Variants in TBC1D32 observed in about 807,000 individuals in gnomAD.
TBC1D32 encodes the protein protein broad-minded.
A neutral mutation model predicts 170.3 loss-of-function variants in TBC1D32; 151 were observed. The observed-to-expected ratio is 0.89, with a 90% CI of 0.78 to 1.01. The LOEUF is 1.01. TBC1D32 is among the 50% of genes least tolerant of loss of function. TBC1D32 has a pLI of 0.00. For missense variants in TBC1D32, 1,464 were observed against 1,457.1 expected (o/e 1.00, Z -0.08); for synonymous variants, 498 against 488.0 (o/e 1.02, Z -0.27).
At chr6:121,237,313 T>C (rs1796448504) in intron 20 of TBC1D32, among the ~76,000 whole-genome samples, 1 of 152,012 alleles carries the variant, frequency 6.6e-6, no homozygotes, top group African/African-American at 2.4e-5. Context: ...TTCAAAATTT[T>C]CTCTTTATCT....
intron 30 of TBC1D32, among the ~76,000 whole-genome samples, chr6:121,102,782 T>A (rs1272567605): frequency 1.3e-5 from 2 of 152,172 alleles, no homozygotes; most frequent in South Asian, 4.1e-4. Context: ...CAAAAGAAAC[T>A]ACCATCAGAG....
At chr6:121,258,553 T>C (rs745802843) in intron 15 of TBC1D32, among the ~76,000 whole-genome samples, 2 of 152,184 alleles carry the variant, frequency 1.3e-5, no homozygotes, top group Non-Finnish European at 2.9e-5. Context: ...CCATATCTGT[T>C]TCTCCACATT....
chr6:121,298,318 G>A (rs1462036215), intron 10 of TBC1D32, among the ~76,000 whole-genome samples: 1 of 151,880 alleles, frequency 6.6e-6, no homozygotes, highest in Non-Finnish European at 1.5e-5. Flanking sequence ...TCCATTTGCA[G>A]GTTAAAAGTC....
chr6:121,253,139 C>CA (rs201680742), intron 17 of TBC1D32, among the ~76,000 whole-genome samples: 47 of 151,542 alleles, frequency 3.1e-4, no homozygotes, highest in East Asian at 2.1e-3. Context: ...TTCTGCACAG[C>CA]AAAAAAAATA....
At chr6:121,269,909 T>C (rs1801120505) in intron 15 of TBC1D32, among the ~76,000 whole-genome samples, 1 of 152,066 alleles carries the variant, frequency 6.6e-6, no homozygotes, top group African/African-American at 2.4e-5. Flanking sequence ...TATAACAAAC[T>C]GTCTCTCAGA....
chr6:121,239,457 T>A (rs10214635), intron 19 of TBC1D32, among the ~76,000 whole-genome samples: 8,703 of 152,174 alleles, frequency 0.057, 744 homozygotes, highest in African/African-American at 0.18. Context: ...AGTCCCAGCT[T>A]CTTCACTTTG....
intron 30 of TBC1D32, among the ~76,000 whole-genome samples, chr6:121,092,306 T>G (rs796615299): frequency 1.9e-4 from 26 of 137,330 alleles, no homozygotes; most frequent in African/African-American, 6.3e-4. Context: ...TTTTTTTTTT[T>G]TTTTTTTTTT....
At chr6:121,171,203 GA>G (rs1262520733) in intron 22 of TBC1D32, among the ~76,000 whole-genome samples, 1 of 150,620 alleles carries the variant, frequency 6.6e-6, no homozygotes, top group Non-Finnish European at 1.5e-5. Context: ...ACTGTAAGGA[GA>G]AAACAGTCAA....
intron 26 of TBC1D32, among the ~76,000 whole-genome samples, chr6:121,117,318 A>G (rs1779780866): frequency 6.6e-6 from 1 of 152,226 alleles, no homozygotes; most frequent in South Asian, 2.1e-4. Context: ...GGTATGAACA[A>G]AACTATGCAG....
chr6:121,110,642 T>G (rs1220812991), intron 29 of TBC1D32, among the ~76,000 whole-genome samples: 1 of 152,098 alleles, frequency 6.6e-6, no homozygotes, highest in East Asian at 1.9e-4. Context: ...ATAGAAACCA[T>G]CACCACAATG....
rs145740528 is a variant in TBC1D32, at chr6:121,179,435, C to T, written c.2571-18379G>A. 2.1e-3 allele frequency among the ~76,000 whole-genome samples: 312 copies of T among 150,686 alleles called. 1 individual carries two copies. Among genetic ancestry groups the T allele is most frequent in the African/African-American group, 7.3e-3 (299 of 41,202 alleles). On this transcript the variant is annotated intron_variant, in intron 22 of 31. Transcript: ENST00000398212. ...TGAAGCATTACCATGGAAGAAGAGA[C>T]CCCATTAACAATAGCAAAAAATATA...
chr6:121,292,230 TC>T (rs1339266320), intron 11 of TBC1D32, 37 bp from the exon 12 acceptor site: 1 of 1,549,064 alleles, frequency 6.5e-7, no homozygotes, highest in Non-Finnish European at 8.8e-7. Flanking sequence ...TTATTTAGTA[TC>T]ATTATATTTT....
chr6:121,320,962 G>C (rs1809622925), intron 2 of TBC1D32, among the ~76,000 whole-genome samples: 1 of 152,080 alleles, frequency 6.6e-6, no homozygotes, highest in African/African-American at 2.4e-5. Context: ...ATCCTGCCTA[G>C]GGCTGGTTCC....
intron 31 of TBC1D32, among the ~76,000 whole-genome samples, chr6:121,082,884 A>G (rs1775785188): frequency 6.6e-6 from 1 of 152,020 alleles, no homozygotes; most frequent in Admixed American, 6.6e-5. Flanking sequence ...TTATTTCATA[A>G]GAGAAAAATT....
At chr6:121,279,512 T>A (rs1399650040) in intron 14 of TBC1D32, among the ~76,000 whole-genome samples, 1 of 152,012 alleles carries the variant, frequency 6.6e-6, no homozygotes, top group Non-Finnish European at 1.5e-5. Context: ...GTTACAGTTT[T>A]ATATATAATT....
chr6:121,214,965 G>A (rs1182346497), intron 21 of TBC1D32, among the ~76,000 whole-genome samples: 1 of 152,162 alleles, frequency 6.6e-6, no homozygotes, highest in Non-Finnish European at 1.5e-5. Flanking sequence ...CAGCCTGCAT[G>A]TCTGCTCAGC....
At chr6:121,288,598 T>A (rs1804284188) in intron 12 of TBC1D32, among the ~76,000 whole-genome samples, 1 of 152,176 alleles carries the variant, frequency 6.6e-6, no homozygotes, top group East Asian at 1.9e-4. Context: ...GTACCATTCC[T>A]TCTAAAACTA....
At chr6:121,087,443 T>C (rs1348211743) in intron 31 of TBC1D32, among the ~76,000 whole-genome samples, 2 of 152,142 alleles carry the variant, frequency 1.3e-5, no homozygotes, top group African/African-American at 4.8e-5. Context: ...TAAACCAAAG[T>C]GACTACAAAT....
At chr6:121,169,957 A>G (rs575766782) in intron 22 of TBC1D32, among the ~76,000 whole-genome samples, 16 of 152,264 alleles carry the variant, frequency 1.1e-4, no homozygotes, top group African/African-American at 3.8e-4. Context: ...AACTAACATA[A>G]TTAAGAGGAT....
Sources: gnomAD v4.1 joint callset for allele counts (sites outside exome capture counted in the v4.1 genomes callset) on GRCh38, gnomAD v4.1.1 for gene constraint, MANE v1.5 for transcripts, NCBI Gene and HGNC (gene_info 2026-07-23, HGNC 2026-07-21) for gene names.